PTPRD: variants seen among roughly 807,000 people sequenced by gnomAD.
PTPRD encodes the protein protein tyrosine phosphatase receptor type D.
A neutral mutation model predicts 214.5 loss-of-function variants in PTPRD; 34 were observed. The ratio of observed to expected loss-of-function variants is 0.16; its 90% CI spans 0.12 to 0.21. The LOEUF (loss-of-function observed/expected upper bound fraction) is 0.21. Ranked by LOEUF, PTPRD falls within the 10% of genes least tolerant of loss-of-function variation. The pLI is 1.00. For missense variants in PTPRD, 2,545 were observed against 2,398.7 expected (o/e 1.06, Z -1.27); for synonymous variants, 1,128 against 845.7 (o/e 1.33, Z -5.79).
chr9:8,501,717 C>A (rs1592150540), intron 23 of PTPRD, among the ~76,000 whole-genome samples: 1 of 152,116 alleles, frequency 6.6e-6, no homozygotes, highest in East Asian at 1.9e-4. Flanking sequence ...ATACAGTGAG[C>A]ATGCAGAATC....
intron 11 of PTPRD, among the ~76,000 whole-genome samples, chr9:8,793,305 G>A (rs940043778): frequency 6.6e-6 from 1 of 152,148 alleles, no homozygotes; most frequent in Non-Finnish European, 1.5e-5. Flanking sequence ...GTCCAACGGT[G>A]GAACTCAACT....
intron 2 of PTPRD, among the ~76,000 whole-genome samples, chr9:10,343,439 T>C (rs2096984959): frequency 6.6e-6 from 1 of 152,112 alleles, no homozygotes; most frequent in Non-Finnish European, 1.5e-5. Flanking sequence ...AATATACATA[T>C]ATGTGCATGT....
intron 14 of PTPRD, among the ~76,000 whole-genome samples, chr9:8,538,579 A>G (rs1029642772): frequency 6.6e-6 from 1 of 151,544 alleles, no homozygotes; most frequent in African/African-American, 2.4e-5. Context: ...GATTGGAACT[A>G]ATAGTGTTGG....
chr9:8,776,749 G>A (rs928999434), intron 11 of PTPRD, among the ~76,000 whole-genome samples: 1 of 149,076 alleles, frequency 6.7e-6, no homozygotes, highest in Admixed American at 6.7e-5. Flanking sequence ...TTTTAGAATA[G>A]GCTATTTTTT....
chr9:9,931,967 A>G lies in PTPRD; in HGVS notation c.-368+6540T>C, dbSNP rs904650996. Among the ~76,000 whole-genome samples the G allele has an allele frequency of 2.0e-5, 3 of 152,096 alleles. No individual in the cohort carries two copies. In the East Asian group the frequency reaches 5.9e-4, roughly 30 times the overall value. On this transcript the variant is annotated intron_variant, in intron 5 of 45. Transcript: ENST00000381196. ...GGGAGGCACCCCCCAGCAGGGGCACACTGACACCTCACACAGCAGAGTACT... is the reference window on the plus strand; with the variant it reads ...GGGAGGCACCCCCCAGCAGGGGCACGCTGACACCTCACACAGCAGAGTACT...
intron 8 of PTPRD, among the ~76,000 whole-genome samples, chr9:9,420,293 A>G (rs2078304349): frequency 1.3e-5 from 2 of 151,842 alleles, no homozygotes; most frequent in South Asian, 2.1e-4. Context: ...AGCTTTATCT[A>G]ATGAACAGCA....
chr9:9,897,832 T>C (rs2075399877), intron 5 of PTPRD, among the ~76,000 whole-genome samples: 1 of 152,118 alleles, frequency 6.6e-6, no homozygotes. Context: ...CTTAGCTAAA[T>C]TCAGCATTGG....
At position 8,919,705 on chromosome 9, in the gene PTPRD, G is replaced by A. The variant is rs542921091; in HGVS notation, c.-104+98992C>T. 6.1e-4 allele frequency among the ~76,000 whole-genome samples: 93 copies of A among 151,764 alleles called. 1 individual carries two copies. The highest frequency in any genetic ancestry group is 1.9e-3 in the African/African-American group (78 of 41,466). ...TATATTTATACATGCATGTATACAC[G>A]TATCCAACTGCAGTCACGCATGCAT... is the stretch of plus-strand genomic sequence containing the variant. On this transcript the variant is annotated intron_variant, in intron 11 of 45. Transcript: ENST00000381196.
At chr9:9,422,075 G>C (rs965006940) in intron 8 of PTPRD, among the ~76,000 whole-genome samples, 1 of 152,080 alleles carries the variant, frequency 6.6e-6, no homozygotes, top group African/African-American at 2.4e-5. Flanking sequence ...TCACATATTT[G>C]AGAATATCTG....
chr9:9,074,931 C>A (rs1387404436), intron 10 of PTPRD, among the ~76,000 whole-genome samples: 1 of 150,148 alleles, frequency 6.7e-6, no homozygotes, highest in Non-Finnish European at 1.5e-5. Flanking sequence ...CCTATATTAT[C>A]CTATCATGTA....
intron 11 of PTPRD, among the ~76,000 whole-genome samples, chr9:8,777,882 C>G (rs2095547241): frequency 6.6e-6 from 1 of 152,182 alleles, no homozygotes; most frequent in Non-Finnish European, 1.5e-5. Context: ...TGAAATCCTT[C>G]CTACAACCCA....
chr9:10,286,645 T>A (rs1297905655), intron 3 of PTPRD, among the ~76,000 whole-genome samples: 1 of 152,140 alleles, frequency 6.6e-6, no homozygotes, highest in African/African-American at 2.4e-5. Flanking sequence ...TCTCCCGGGC[T>A]GGAGTGCAGT....
chr9:10,407,125 T>C (rs968195724), intron 2 of PTPRD, among the ~76,000 whole-genome samples: 17 of 151,588 alleles, frequency 1.1e-4, no homozygotes, highest in Admixed American at 3.3e-4. Context: ...AAAATATCTC[T>C]GATACCGGGC....
intron 2 of PTPRD, among the ~76,000 whole-genome samples, chr9:10,567,428 G>C (rs1009864899): frequency 6.6e-6 from 1 of 151,986 alleles, no homozygotes; most frequent in Non-Finnish European, 1.5e-5. Context: ...TAAGTGATAA[G>C]TTTTCAATTG....
chr9:8,818,584 A>G (rs1423634131), intron 11 of PTPRD, among the ~76,000 whole-genome samples: 1 of 152,214 alleles, frequency 6.6e-6, no homozygotes, highest in Non-Finnish European at 1.5e-5. Context: ...AGGTTAAGCA[A>G]TCTGGCAAAA....
At chr9:10,172,617 T>A (rs1380009026) in intron 3 of PTPRD, among the ~76,000 whole-genome samples, 7 of 152,196 alleles carry the variant, frequency 4.6e-5, no homozygotes, top group Non-Finnish European at 8.8e-5. Context: ...CATAGCTGAC[T>A]CTTCTTCAAC....
intron 12 of PTPRD, among the ~76,000 whole-genome samples, chr9:8,721,056 T>A (rs1410056055): frequency 6.7e-6 from 1 of 149,720 alleles, no homozygotes; most frequent in African/African-American, 2.5e-5. Flanking sequence ...TTTTTTTTTT[T>A]AATCTGAGAA....
At chr9:10,358,358 A>C (rs2097315464) in intron 2 of PTPRD, among the ~76,000 whole-genome samples, 1 of 152,026 alleles carries the variant, frequency 6.6e-6, no homozygotes, top group African/African-American at 2.4e-5. Context: ...ATAGCAAATA[A>C]ATAATGTGTA....
intron 3 of PTPRD, among the ~76,000 whole-genome samples, chr9:10,142,598 T>C (rs1010833860): frequency 2.7e-5 from 4 of 150,586 alleles, no homozygotes; most frequent in African/African-American, 9.7e-5. Context: ...CCAGTTAGAA[T>C]GGCAATCATT....
Sources: allele counts gnomAD v4.1 joint callset (sites outside exome capture counted in the v4.1 genomes callset), GRCh38; gene constraint gnomAD v4.1.1; transcripts MANE v1.5; gene names NCBI Gene and HGNC (gene_info 2026-07-23, HGNC 2026-07-21).